ONECUT3: variants seen among roughly 807,000 people sequenced by gnomAD.
The protein encoded by ONECUT3 is one cut domain family member 3.
ONECUT3 carries 11 observed loss-of-function variants against 16.8 expected under a neutral mutation model. The ratio of observed to expected loss-of-function variants is 0.66; its 90% CI spans 0.41 to 1.09. The LOEUF (loss-of-function observed/expected upper bound fraction) is 1.09. Ranked by LOEUF, ONECUT3 falls within the 50% of genes least tolerant of loss-of-function variation. The pLI, the probability that ONECUT3 is intolerant of heterozygous loss-of-function variation, is 0.00. For synonymous variants in ONECUT3, 344 were observed against 310.7 expected (o/e 1.11, Z -1.13); for missense variants, 637 against 629.9 (o/e 1.01, Z -0.12).
At position 1,754,355 on chromosome 19, in the gene ONECUT3, AG is replaced by A; in HGVS notation, c.695del (p.Gly232AlafsTer103). On this transcript the variant is annotated frameshift_variant, in exon 1 of 2. Transcript: ENST00000382349. LOFTEE classifies it high-confidence loss of function. This position sits in a 1 kb window ranked among gnomAD's most constrained non-coding sequence, Gnocchi z 7.4. Reference sequence around the variant, plus strand: ...CGCCGCTGGCCGCCTACGGCCCGCCAGGCCACCTGGCTGGGGACAAGCTGCT... The same window carrying A: ...CGCCGCTGGCCGCCTACGGCCCGCCAGCCACCTGGCTGGGGACAAGCTGCT... ...PPPLAAYGPP[G>X]HLAGDKLLPP... The A allele has an allele frequency of 9.2e-7, 1 of 1,083,264 alleles. No individual in the cohort carries two copies. Among genetic ancestry groups the A allele is most frequent in the South Asian group, 2.8e-5 (1 of 35,412 alleles). The allele number at this position is 1,083,264 out of a possible 1,614,324, so 67.1% of individuals were successfully genotyped here.
In ONECUT3 at chr19:1,754,114, C is replaced by T; in HGVS notation, c.452C>T (p.Pro151Leu). The change falls in exon 1 of 2, where the codon CCG becomes CTG. Residue 151 changes from proline (P) to leucine (L), a missense_variant. Transcript: ENST00000382349. The surrounding 1 kb of genome is among the most constrained non-coding windows in gnomAD (Gnocchi z 7.4). ...GCGCACCCGCACCCGGCGGCCGCGC[C>T]GCCCCCGCCACCCCCGCCGCAGCGT... ...PHAHPHPAAAPPPPPPPQRLA... is the reference protein window; with the variant it reads ...PHAHPHPAAALPPPPPPQRLA... 2.0e-6 allele frequency: 2 copies of T among 1,023,146 alleles called. No individual in the cohort carries two copies. Among genetic ancestry groups the T allele is most frequent in the Non-Finnish European group, 2.3e-6 (2 of 857,334 alleles). 63.4% of individuals were successfully genotyped at this position (1,023,146 alleles called of 1,614,324 possible).
rs1222729771 is a variant in ONECUT3, at chr19:1,754,436, A to C, written c.774A>C (p.Ala258=). The C allele has an allele frequency of 2.0e-6, 2 of 1,015,950 alleles. No homozygotes were observed. Among genetic ancestry groups the C allele is most frequent in the Non-Finnish European group, 2.3e-6 (2 of 851,618 alleles). The allele number at this position is 1,015,950 out of a possible 1,614,324, so 62.9% of individuals were successfully genotyped here. A position where few individuals can be genotyped will look rare whatever the true frequency, so the allele number is the denominator to read the frequency against. ...CGCTGCTGGGACGCGCGGAGGACGC[A>C]CTGGCCCGCGGGCTGCCCGGAGGCG... ...HAALLGRAED[A]LARGLPGGGG... The change falls in exon 1 of 2, where the codon GCA becomes GCC. Residue 258 remains alanine (A), a synonymous_variant. Coordinates refer to ENST00000382349, the MANE Select transcript of ONECUT3 (RefSeq NM_001080488.2). This position sits in a 1 kb window ranked among gnomAD's most constrained non-coding sequence, Gnocchi z 7.4.
chr19:1,770,779 AT>A (rs1466939069), intron 1 of ONECUT3, among the ~76,000 whole-genome samples: 3 of 152,066 alleles, frequency 2.0e-5, no homozygotes, highest in African/African-American at 7.2e-5. Flanking sequence ...AGTTTTTTGC[AT>A]TTCCTTCCAT....
chr19:1,768,909 A>AGGT (rs2068021782), intron 1 of ONECUT3, among the ~76,000 whole-genome samples: 1 of 99,694 alleles, frequency 1.0e-5, no homozygotes, highest in African/African-American at 3.6e-5. Context: ...GAGGTGGTGG[A>AGGT]GGTGGAGGTG....
At chr19:1,770,163 C>A (rs1450586314) in intron 1 of ONECUT3, among the ~76,000 whole-genome samples, 1 of 152,162 alleles carries the variant, frequency 6.6e-6, no homozygotes, top group East Asian at 1.9e-4. Context: ...GAAGCTGAAG[C>A]TAGAGGATTG....
chr19:1,772,924 T>G (rs948533376), intron 1 of ONECUT3, among the ~76,000 whole-genome samples: 1 of 148,994 alleles, frequency 6.7e-6, no homozygotes, highest in Non-Finnish European at 1.5e-5. Flanking sequence ...AGGATGGTCT[T>G]GATCTCCTGA....
intron 1 of ONECUT3, among the ~76,000 whole-genome samples, chr19:1,772,305 G>A (rs2068062565): frequency 6.6e-6 from 1 of 151,988 alleles, no homozygotes; most frequent in Admixed American, 6.6e-5. Context: ...GAGCCACCAT[G>A]CCCAGTGGGC....
At chr19:1,770,039 G>A (rs1179142528) in intron 1 of ONECUT3, among the ~76,000 whole-genome samples, 1 of 152,106 alleles carries the variant, frequency 6.6e-6, no homozygotes, top group African/African-American at 2.4e-5. Flanking sequence ...GGGCAAGCCT[G>A]AGGGGTGGCT....
At position 1,754,604 on chromosome 19, in the gene ONECUT3, G is replaced by C. The variant is rs2067907088; in HGVS notation, c.942G>C (p.Ala314=). The change falls in exon 1 of 2, where the codon GCG becomes GCC. Residue 314 remains alanine (A), a synonymous_variant. Coordinates refer to ENST00000382349, the MANE Select transcript of ONECUT3 (RefSeq NM_001080488.2). This position sits in a 1 kb window ranked among gnomAD's most constrained non-coding sequence, Gnocchi z 7.4. The part of the protein sequence containing the change: ...GPGGSGGGPS[A]GAAAEEINTK... The stretch of plus-strand genomic sequence containing the variant: ...GCGGGAGCGGCGGCGGCCCCAGCGC[G>C]GGCGCAGCGGCCGAGGAGATCAACA... The C allele has an allele frequency of 2.9e-6, 4 of 1,363,610 alleles. No individual in the cohort carries two copies. Among genetic ancestry groups the C allele is most frequent in the Admixed American group, 5.3e-5 (2 of 37,678 alleles). The allele number at this position is 1,363,610 out of a possible 1,614,324, so 84.5% of individuals were successfully genotyped here. A position where few individuals can be genotyped will look rare whatever the true frequency, so the allele number is the denominator to read the frequency against.
At position 1,764,240 on chromosome 19, in the gene ONECUT3, G is replaced by A. The variant is rs910500287; in HGVS notation, c.1192+9386G>A. On this transcript the variant is annotated intron_variant, in intron 1 of 1. Transcript: ENST00000382349. This position sits in a 1 kb window ranked among gnomAD's most constrained non-coding sequence, Gnocchi z 5.0. The stretch of plus-strand genomic sequence containing the variant: ...GGTGGGTCTCTGTAGCTGAATGTCC[G>A]AGGGTGAGAGGTGCCCCCTGACACC... Among the ~76,000 whole-genome samples, 4 of 152,184 alleles carry A rather than the reference G, an allele frequency of 2.6e-5. No individual in the cohort carries two copies. The highest frequency in any genetic ancestry group is 4.8e-5 in the African/African-American group (2 of 41,442).
chr19:1,753,793 C>T lies in ONECUT3; in HGVS notation c.131C>T (p.Pro44Leu). ...QHRGLVAPGR[P>L]GLVAGMASLL... ...CGCGGCCTGGTGGCGCCCGGGCGCC[C>T]GGGCCTGGTGGCCGGCATGGCGAGC... Residue 44 changes from proline to leucine, a missense_variant, in exon 1 of 2, where the codon CCG becomes CTG. Coordinates refer to ENST00000382349, the MANE Select transcript of ONECUT3 (RefSeq NM_001080488.2). 1 of 968,162 alleles carries T rather than the reference C, an allele frequency of 1.0e-6. No homozygotes were observed. The highest frequency in any genetic ancestry group is 1.2e-6 in the Non-Finnish European group (1 of 816,836). The allele number at this position is 968,162 out of a possible 1,614,324, so 60.0% of individuals were successfully genotyped here.
At position 1,754,126 on chromosome 19, in the gene ONECUT3, C is replaced by G. The variant is rs1354017836; in HGVS notation, c.464C>G (p.Pro155Arg). 2.9e-6 allele frequency: 3 copies of G among 1,038,890 alleles called. No individual in the cohort carries two copies. The African/African-American group carries it at 5.2e-5, about 18-fold the overall frequency. 64.4% of individuals were successfully genotyped at this position (1,038,890 alleles called of 1,614,324 possible). Residue 155 changes from proline (P) to arginine (R), a missense_variant, in exon 1 of 2, where the codon CCC becomes CGC. Physicochemically the swap from Pro to Arg is moderately radical, Grantham distance 103 (BLOSUM62 -2). Transcript: ENST00000382349. This position sits in a 1 kb window ranked among gnomAD's most constrained non-coding sequence, Gnocchi z 7.4. ...CCGGCGGCCGCGCCGCCCCCGCCAC[C>G]CCCGCCGCAGCGTCTGGCGGCCAGC... ...PHPAAAPPPPPPPQRLAASVS... is the reference protein window; with the variant it reads ...PHPAAAPPPPRPPQRLAASVS...
chr19:1,773,815 T>C (rs72971566), intron 1 of ONECUT3, among the ~76,000 whole-genome samples: 2 of 151,902 alleles, frequency 1.3e-5, no homozygotes, highest in African/African-American at 2.4e-5. Flanking sequence ...CAGCTCCTAG[T>C]GGGGGAAGCC....
In ONECUT3 at chr19:1,759,926, G is replaced by GC. The variant is rs2067937237; in HGVS notation, c.1192+5077dup. Among the ~76,000 whole-genome samples the GC allele has an allele frequency of 3.9e-5, 6 of 152,244 alleles. 1 individual carries two copies. In the South Asian group the frequency reaches 1.2e-3, roughly 32 times the overall value. ...CGCGCGAGACTCAGGTGACTCTGGT[G>GC]CCCCCACACCAGCACCCTCCCACAA... On this transcript the variant is annotated intron_variant, in intron 1 of 1. Coordinates refer to ENST00000382349, the MANE Select transcript of ONECUT3 (RefSeq NM_001080488.2). The surrounding 1 kb of genome is among the most constrained non-coding windows in gnomAD (Gnocchi z 4.1).
intron 1 of ONECUT3, among the ~76,000 whole-genome samples, chr19:1,774,314 C>G (rs1010147691): frequency 6.6e-6 from 1 of 152,056 alleles, no homozygotes; most frequent in African/African-American, 2.4e-5. Context: ...GTTGCCATGG[C>G]ACACACCTGT....
intron 1 of ONECUT3, among the ~76,000 whole-genome samples, chr19:1,765,181 T>C (rs749011118): frequency 3.9e-5 from 6 of 152,124 alleles, no homozygotes; most frequent in Non-Finnish European, 5.9e-5. Flanking sequence ...CCATCTCCTC[T>C]AGTTGCTCTT....
In ONECUT3 at chr19:1,766,810, C is replaced by T. The variant is rs375735094; in HGVS notation, c.1193-8343C>T. On this transcript the variant is annotated intron_variant, in intron 1 of 1. Coordinates refer to ENST00000382349, the MANE Select transcript of ONECUT3 (RefSeq NM_001080488.2). This position sits in a 1 kb window ranked among gnomAD's most constrained non-coding sequence, Gnocchi z 4.0. ...AGGGTCTTGCAGGCTGGGCTGAGAC[C>T]CCCCCCCCATGCTCCACCACCCTCG... Among the ~76,000 whole-genome samples the T allele has an allele frequency of 8.1e-6, 1 of 122,708 alleles. No individual in the cohort carries two copies. The highest frequency in any genetic ancestry group is 3.8e-5 in the African/African-American group (1 of 26,358). The allele number at this position is 122,708 out of a possible 152,430, so 80.5% of individuals were successfully genotyped here. A position where few individuals can be genotyped will look rare whatever the true frequency, so the allele number is the denominator to read the frequency against.
chr19:1,767,216 A>G (rs2068000286), intron 1 of ONECUT3, among the ~76,000 whole-genome samples: 1 of 152,104 alleles, frequency 6.6e-6, no homozygotes. Context: ...CCCAGAGCCC[A>G]GCTCCTCTCA....
rs978081092 is a variant in ONECUT3 at position 1,775,614 on chromosome 19, A to AAGTGCAC, written c.*171_*177dup. The AAGTGCAC allele has an allele frequency of 3.4e-6, 2 of 579,948 alleles. No homozygotes were observed. The highest frequency in any genetic ancestry group is 4.4e-5 in the African/African-American group (2 of 45,178). 35.9% of individuals were successfully genotyped at this position (579,948 alleles called of 1,614,324 possible). A position where few individuals can be genotyped will look rare whatever the true frequency, so the allele number is the denominator to read the frequency against. On this transcript the variant is annotated 3_prime_UTR_variant, in exon 2 of 2. Coordinates refer to ENST00000382349, the MANE Select transcript of ONECUT3 (RefSeq NM_001080488.2). ...GGGGAAGCAGCACACCCCCCAGCCC[A>AAGTGCAC]AGTGCACAAAAAGGGCCCCCCTTCC...
Sources: gnomAD v4.1 joint callset for allele counts (sites outside exome capture counted in the v4.1 genomes callset) on GRCh38, gnomAD v4.1.1 for gene constraint, Gnocchi (gnomAD v3.1) non-coding constraint, MANE v1.5 for transcripts, NCBI Gene and HGNC (gene_info 2026-07-23, HGNC 2026-07-21) for gene names.